The following TAF2 variants were observed in gnomAD, a reference collection of about 807,000 sequenced individuals.
TAF2 encodes transcription initiation factor TFIID subunit 2.
TAF2 carries 61 observed loss-of-function variants against 138.5 expected under a neutral mutation model. The observed-to-expected ratio is 0.44, with a 90% CI of 0.36 to 0.54. The LOEUF is 0.54. Among genes scored for constraint, TAF2 ranks in the 20% least tolerant of loss-of-function variants. TAF2 has a pLI of 0.00. For synonymous variants in TAF2, 475 were observed against 469.9 expected (o/e 1.01, Z -0.14); for missense variants, 1,090 against 1,427.9 (o/e 0.76, Z 3.81).
chr8:119,816,917 G>A (rs578062862), intron 3 of TAF2, among the ~76,000 whole-genome samples: 17 of 152,168 alleles, frequency 1.1e-4, no homozygotes, highest in South Asian at 4.1e-4. Context: ...TAAAACTTTC[G>A]TCTAATAAAA....
chr8:119,769,097 A>G (rs1478584020), intron 18 of TAF2, among the ~76,000 whole-genome samples: 1 of 152,218 alleles, frequency 6.6e-6, no homozygotes, highest in African/African-American at 2.4e-5. Context: ...TGAAACAAAA[A>G]AGAGTACCAC....
intron 4 of TAF2, among the ~76,000 whole-genome samples, chr8:119,805,409 A>T (rs1824552427): frequency 6.6e-6 from 1 of 152,140 alleles, no homozygotes; most frequent in Non-Finnish European, 1.5e-5. Context: ...ATGATTTTTT[A>T]AAAATATTTT....
chr8:119,774,102 C>T (rs1023522702), intron 18 of TAF2, among the ~76,000 whole-genome samples: 5 of 148,276 alleles, frequency 3.4e-5, no homozygotes, highest in Admixed American at 2.4e-4. Flanking sequence ...ACCTGGCAGG[C>T]GGAGCTTGCA....
intron 20 of TAF2, 79 bp downstream of exon 20, chr8:119,760,520 G>A (rs1267247247): frequency 3.3e-5 from 51 of 1,534,726 alleles, no homozygotes; most frequent in Admixed American, 2.1e-4. Context: ...TACATATTAC[G>A]AAAACCCCAA....
intron 18 of TAF2, among the ~76,000 whole-genome samples, chr8:119,771,845 C>A (rs1185319014): frequency 2.0e-5 from 3 of 152,120 alleles, no homozygotes; most frequent in Admixed American, 2.0e-4. Flanking sequence ...ATGGACCTAA[C>A]AGACATTTAC....
intron 19 of TAF2, chr8:119,761,777 G>A (rs1346198997): frequency 6.6e-6 from 1 of 150,712 alleles, no homozygotes; most frequent in Non-Finnish European, 1.5e-5. Context: ...TCCAGCCTGG[G>A]GAACAAGAGC....
chr8:119,742,720 G>A (rs1819683427), intron 24 of TAF2, 64 bp from the exon 25 acceptor site: 3 of 1,577,590 alleles, frequency 1.9e-6, no homozygotes, highest in Admixed American at 1.8e-5. Flanking sequence ...GAAAAAAAAA[G>A]GCTGACAGGT....
rs540866389 is a variant in TAF2, at chr8:119,754,462, A to G, written c.2878+1544T>C. Among the ~76,000 whole-genome samples, 17 of 152,212 alleles carry G rather than the reference A, an allele frequency of 1.1e-4. 2 individuals are homozygous for G. In the South Asian group the frequency reaches 3.5e-3, roughly 32 times the overall value. On this transcript the variant is annotated intron_variant, in intron 22 of 25. Coordinates refer to ENST00000378164, the MANE Select transcript of TAF2 (RefSeq NM_003184.4). ...GCATTTTGGGAAGATGAGGCGGCGG[A>G]TCACAAGGTCAGGAGTTCAAGACCA... is the stretch of plus-strand genomic sequence containing the variant.
Position 119,754,956 on chromosome 8 carries a change from A to G in TAF2, c.2878+1050T>C, listed in dbSNP as rs114882853. The stretch of plus-strand genomic sequence containing the variant: ...AATACAAATAGCTCAAATATTGAGA[A>G]GCGTAACTATCATTAAGCTAGCATA... On this transcript the variant is annotated intron_variant, in intron 22 of 25. Coordinates refer to ENST00000378164, the MANE Select transcript of TAF2 (RefSeq NM_003184.4). Among the ~76,000 whole-genome samples, 1,390 of 152,366 alleles carry G rather than the reference A, an allele frequency of 9.1e-3. 20 individuals carry two copies. The highest frequency in any genetic ancestry group is 0.032 in the African/African-American group (1,325 of 41,582).
chr8:119,743,138 A>G (rs941259674), intron 24 of TAF2, among the ~76,000 whole-genome samples: 13 of 152,152 alleles, frequency 8.5e-5, no homozygotes, highest in African/African-American at 2.4e-4. Flanking sequence ...GTTACTCTAA[A>G]AGTTCTGAAT....
chr8:119,761,127 T>C (rs1821034075), intron 19 of TAF2, among the ~76,000 whole-genome samples: 2 of 152,212 alleles, frequency 1.3e-5, no homozygotes, highest in South Asian at 2.1e-4. Context: ...ATTTATCTTA[T>C]GGTAAGTGTC....
In TAF2 at chr8:119,749,683, CA is replaced by C. The variant is rs775737029; in HGVS notation, c.2879-2750del. Among the ~76,000 whole-genome samples, 10 of 152,276 alleles carry C rather than the reference CA, an allele frequency of 6.6e-5. No homozygotes were observed. In the East Asian group the frequency reaches 9.6e-4, roughly 15 times the overall value. ...CTCAGATGATCTTTAAGACTCCCCT[CA>C]TCAGGTCTAAAATCTGATGATTCCA... On this transcript the variant is annotated intron_variant, in intron 22 of 25. Coordinates refer to ENST00000378164, the MANE Select transcript of TAF2 (RefSeq NM_003184.4).
chr8:119,793,912 AG>A (rs1235127541), intron 9 of TAF2, among the ~76,000 whole-genome samples: 2 of 108,002 alleles, frequency 1.9e-5, no homozygotes, highest in Admixed American at 1.0e-4. Context: ...AGAAAAAAAA[AG>A]GGGGGGTTGG....
chr8:119,753,209 A>G (rs994467976), intron 22 of TAF2, among the ~76,000 whole-genome samples: 2 of 152,312 alleles, frequency 1.3e-5, no homozygotes, highest in South Asian at 4.1e-4. Flanking sequence ...AAATCTTAAT[A>G]AACCATGCCC....
At chr8:119,806,792 T>A (rs999709928) in intron 3 of TAF2, among the ~76,000 whole-genome samples, 3 of 152,140 alleles carry the variant, frequency 2.0e-5, no homozygotes, top group Admixed American at 2.0e-4. Flanking sequence ...TAAATATCAT[T>A]TGATACCAAT....
At chr8:119,800,335 G>A (rs937126118) in intron 6 of TAF2, among the ~76,000 whole-genome samples, 1 of 152,134 alleles carries the variant, frequency 6.6e-6, no homozygotes, top group African/African-American at 2.4e-5. Flanking sequence ...GTGTAAGGAA[G>A]GGATCCAGTT....
In TAF2 at chr8:119,819,325, CTT is replaced by C. The variant is rs749216651; in HGVS notation, c.299+19_299+20del. ...TTTTCAAAACTGTTAAAAATAGTGACTTTTAAAGTGCATAACTTACTGTTTTG... is the reference window on the plus strand; with the variant it reads ...TTTTCAAAACTGTTAAAAATAGTGACTTAAAGTGCATAACTTACTGTTTTG... On this transcript the variant is annotated intron_variant, in intron 3 of 25. Transcript: ENST00000378164. 6.2e-7 allele frequency: 1 copy of C among 1,610,150 alleles called. No homozygotes were observed. Among genetic ancestry groups the C allele is most frequent in the Non-Finnish European group, 8.5e-7 (1 of 1,178,376 alleles).
chr8:119,826,965 G>C (rs1158507912), intron 2 of TAF2, among the ~76,000 whole-genome samples: 1 of 152,136 alleles, frequency 6.6e-6, no homozygotes, highest in African/African-American at 2.4e-5. Context: ...AGCCAAAGTA[G>C]GGTGGATCGC....
chr8:119,819,466 A>C lies in TAF2; in HGVS notation c.179T>G (p.Leu60Trp), dbSNP rs1354864771. ...TTTGCTGTTCAACTTGATTCTATTCAAGTTTGCAACTGTGGGAAATATAGT... is the reference window on the plus strand; with the variant it reads ...TTTGCTGTTCAACTTGATTCTATTCCAGTTTGCAACTGTGGGAAATATAGT... ...ELTIFPTVAN[L>W]NRIKLNSKQC... Residue 60 changes from leucine (L) to tryptophan (W), a missense_variant, in exon 3 of 26, where the codon TTG becomes TGG. This residue lies in a region of TAF2 where 504 missense variants were observed against 680.9 expected (regional missense o/e 0.74). Transcript: ENST00000378164. 6.2e-7 allele frequency: 1 copy of C among 1,610,746 alleles called. No individual in the cohort carries two copies. Among genetic ancestry groups the C allele is most frequent in the Non-Finnish European group, 8.5e-7 (1 of 1,179,490 alleles).
Sources: gnomAD v4.1 joint callset for allele counts (sites outside exome capture counted in the v4.1 genomes callset) on GRCh38, gnomAD v4.1.1 for gene constraint, gnomAD v4.1.1 regional missense constraint, MANE v1.5 for transcripts, NCBI Gene and HGNC (gene_info 2026-07-23, HGNC 2026-07-21) for gene names.